COL20A1: variants seen among roughly 807,000 people sequenced by gnomAD.
The protein encoded by COL20A1 is collagen alpha-1(XX) chain.
In COL20A1, 164 loss-of-function variants were observed where a neutral mutation model predicts 152.9. The observed-to-expected ratio is 1.07, with a 90% CI of 0.94 to 1.22. COL20A1 has a LOEUF of 1.22. Among genes scored for constraint, COL20A1 ranks in the 50% most tolerant of loss-of-function variants. COL20A1 has a pLI of 0.00. For synonymous variants in COL20A1, 864 were observed against 756.0 expected (o/e 1.14, Z -2.34); for missense variants, 1,873 against 1,744.8 (o/e 1.07, Z -1.31).
intron 26 of COL20A1, among the ~76,000 whole-genome samples, 154 bp from the exon 27 acceptor site, chr20:63,321,904 A>G (rs935121904): frequency 7.7e-5 from 11 of 142,462 alleles, no homozygotes; most frequent in African/African-American, 2.9e-4. Context: ...TGCCCTGGAA[A>G]CCCCTTCTCT....
Position 63,310,481 on chromosome 20 carries a change from G to A in COL20A1, c.1364G>A (p.Gly455Asp). Reference protein sequence around the residue: ...SVFPIYEGGVGEGLRGLVTTA... With the variant: ...SVFPIYEGGVDEGLRGLVTTA... Reference sequence around the variant, plus strand: ...TTCCCCATCTATGAGGGCGGGGTTGGCGAAGGCCTGCGGGGCCTGGTGACC... The same window carrying A: ...TTCCCCATCTATGAGGGCGGGGTTGACGAAGGCCTGCGGGGCCTGGTGACC... The change falls in exon 11 of 36, where the codon GGC becomes GAC. Residue 455 changes from glycine (G) to aspartate (D), a missense_variant. Transcript: ENST00000358894. 1 of 1,604,708 alleles carries A rather than the reference G, an allele frequency of 6.2e-7. No individual in the cohort carries two copies. The highest frequency in any genetic ancestry group is 8.5e-7 in the Non-Finnish European group (1 of 1,176,388).
At chr20:63,322,258 G>GGGACCCCA (rs1449390576) in intron 27 of COL20A1, 147 bp downstream of exon 27, 2 of 635,994 alleles carry the variant, frequency 3.1e-6, no homozygotes, top group African/African-American at 3.9e-5. Flanking sequence ...CAGACAGGCA[G>GGGACCCCA]GGACCCCAGC....
At chr20:63,309,588 T>G (rs1380145349) in intron 9 of COL20A1, 91 bp downstream of exon 9, 19 of 1,322,302 alleles carry the variant, frequency 1.4e-5, no homozygotes, top group African/African-American at 3.0e-5. Context: ...GTGTGGTACC[T>G]GAGGCCGGCT....
chr20:63,320,993 C>T lies in COL20A1; in HGVS notation c.3154-20C>T. 1 of 1,537,306 alleles carries T rather than the reference C, an allele frequency of 6.5e-7. No individual in the cohort carries two copies. The highest frequency in any genetic ancestry group is 8.8e-7 in the Non-Finnish European group (1 of 1,133,452). On this transcript the variant is annotated intron_variant, in intron 25 of 35. Coordinates refer to ENST00000358894, the MANE Select transcript of COL20A1 (RefSeq NM_020882.4). ...CCAGGGAGAGGGTCTCTCTAATGGGCAGGGTCTCTCTTCTTCCAGAGGGAT... is the reference window on the plus strand; with the variant it reads ...CCAGGGAGAGGGTCTCTCTAATGGGTAGGGTCTCTCTTCTTCCAGAGGGAT...
At chr20:63,303,237 T>C (rs1007098539) in intron 3 of COL20A1, among the ~76,000 whole-genome samples, 5 of 152,226 alleles carry the variant, frequency 3.3e-5, no homozygotes, top group African/African-American at 1.2e-4. Context: ...GTTTATTTAT[T>C]GATTTTTGAA....
In COL20A1 at chr20:63,319,626, C is replaced by T. The variant is rs772982482; in HGVS notation, c.2916+30C>T. 39 of 1,485,656 alleles carry T rather than the reference C, an allele frequency of 2.6e-5. No individual in the cohort carries two copies. The African/African-American group carries it at 2.9e-4, about 11-fold the overall frequency. 92.0% of individuals were successfully genotyped at this position (1,485,656 alleles called of 1,614,324 possible). Reference sequence around the variant, plus strand: ...TGGTGCAGCTCGCGCCCCTCTCCCCCGTTCCCCCAGCTCTGGGGCAGCCCA... The same window carrying T: ...TGGTGCAGCTCGCGCCCCTCTCCCCTGTTCCCCCAGCTCTGGGGCAGCCCA... On this transcript the variant is annotated intron_variant, in intron 23 of 35. Coordinates refer to ENST00000358894, the MANE Select transcript of COL20A1 (RefSeq NM_020882.4). This position sits in a 1 kb window ranked among gnomAD's most constrained non-coding sequence, Gnocchi z 4.4.
chr20:63,316,521 C>G, intron 20 of COL20A1, 32 bp from the exon 21 acceptor site: 1 of 1,573,200 alleles, frequency 6.4e-7, no homozygotes, highest in Non-Finnish European at 8.6e-7. Flanking sequence ...CTGAGGGTCC[C>G]TCGGTGCCCC....
rs141936790 is a variant in COL20A1, at chr20:63,295,954, C to G, written c.82+765C>G. 3.4e-4 allele frequency among the ~76,000 whole-genome samples: 52 copies of G among 152,378 alleles called. 2 individuals are homozygous for G. In the East Asian group the frequency reaches 9.6e-3, roughly 28 times the overall value. ...GCTCCCACTGAGCGATGGTTTTGTT[C>G]CGCTGGGGTGAAAGGCAGCTCCCCC... On this transcript the variant is annotated intron_variant, in intron 2 of 35. Transcript: ENST00000358894.
chr20:63,302,135 C>T (rs1253807750), intron 3 of COL20A1, among the ~76,000 whole-genome samples: 1 of 152,140 alleles, frequency 6.6e-6, no homozygotes, highest in African/African-American at 2.4e-5. Flanking sequence ...CCCCCCTCTA[C>T]ATTCTATATT....
intron 21 of COL20A1, among the ~76,000 whole-genome samples, chr20:63,318,307 C>T (rs1282437664): frequency 1.3e-5 from 2 of 152,154 alleles, no homozygotes; most frequent in Non-Finnish European, 2.9e-5. Context: ...AGTCTGCTCT[C>T]GGGATGGCAG....
rs2068015671 is a variant in COL20A1 at position 63,312,037 on chromosome 20, G to A, written c.1785G>A (p.Glu595=). Residue 595 remains glutamate, a synonymous_variant, in exon 14 of 36, where the codon GAG becomes GAA. Transcript: ENST00000358894. ...RLVRVTYVSS[E]GGHSGQTEAP... is the part of the protein sequence containing the mutation. ...TCAGGGTCACCTATGTGTCCAGCGAGGGTGGACACTCGGGGCAGGTGAGAG... is the reference window on the plus strand; with the variant it reads ...TCAGGGTCACCTATGTGTCCAGCGAAGGTGGACACTCGGGGCAGGTGAGAG... The A allele has an allele frequency of 6.3e-7, 1 of 1,589,796 alleles. No individual in the cohort carries two copies. Among genetic ancestry groups the A allele is most frequent in the East Asian group, 2.2e-5 (1 of 44,500 alleles).
intron 1 of COL20A1, among the ~76,000 whole-genome samples, chr20:63,294,337 C>G (rs4809285): frequency 1.3e-5 from 2 of 151,646 alleles, no homozygotes; most frequent in Non-Finnish European, 2.9e-5. Context: ...AGTGGCACCT[C>G]TGGGCACTGG....
chr20:63,318,404 C>G (rs1259380332), intron 21 of COL20A1, among the ~76,000 whole-genome samples: 1 of 152,124 alleles, frequency 6.6e-6, no homozygotes, highest in Admixed American at 6.5e-5. Context: ...GGGCCCGAGA[C>G]CCTGCTCCCT....
Position 63,294,292 on chromosome 20 carries a change from C to T in COL20A1, c.-10-806C>T, listed in dbSNP as rs922252687. 4.7e-5 allele frequency among the ~76,000 whole-genome samples: 7 copies of T among 150,126 alleles called. No homozygotes were observed. The South Asian group carries it at 8.5e-4, about 18-fold the overall frequency. On this transcript the variant is annotated intron_variant, in intron 1 of 35. Transcript: ENST00000358894. ...TGGGCGTGGTGGCAGGTGGAGGACT[C>T]GGGCCTGGCAGCTGACATGCTCCCC...
At chr20:63,298,817 C>G (rs564288147) in intron 3 of COL20A1, among the ~76,000 whole-genome samples, 2 of 152,318 alleles carry the variant, frequency 1.3e-5, no homozygotes, top group Admixed American at 1.3e-4. Context: ...TTTCAAAACT[C>G]AGATGGAAAA....
intron 3 of COL20A1, among the ~76,000 whole-genome samples, chr20:63,301,267 A>G (rs577874761): frequency 3.9e-4 from 59 of 152,328 alleles, no homozygotes; most frequent in African/African-American, 1.4e-3. Flanking sequence ...GTGAGCCGAG[A>G]TGGCACCACT....
At chr20:63,320,435 T>C in intron 25 of COL20A1, 67 bp downstream of exon 25, 1 of 1,496,108 alleles carries the variant, frequency 6.7e-7, no homozygotes, top group East Asian at 2.3e-5. Flanking sequence ...AGGGTCACAG[T>C]GCCTGGGGTC....
intron 3 of COL20A1, among the ~76,000 whole-genome samples, chr20:63,298,251 C>T (rs1191037634): frequency 2.6e-5 from 4 of 152,208 alleles, no homozygotes; most frequent in African/African-American, 9.7e-5. Flanking sequence ...CTGCAGAAGG[C>T]ATTCAGTACA....
intron 21 of COL20A1, among the ~76,000 whole-genome samples, chr20:63,318,197 T>C (rs2068109353): frequency 6.6e-6 from 1 of 151,926 alleles, no homozygotes; most frequent in Non-Finnish European, 1.5e-5. Context: ...CCACCCAGGG[T>C]GGACCCCCGT....
Sources: allele counts gnomAD v4.1 joint callset (sites outside exome capture counted in the v4.1 genomes callset), GRCh38; gene constraint gnomAD v4.1.1; non-coding constraint Gnocchi (gnomAD v3.1); transcripts MANE v1.5; gene names NCBI Gene and HGNC (gene_info 2026-07-23, HGNC 2026-07-21).